Variants in TMEM212 observed in about 807,000 individuals in gnomAD.
TMEM212 encodes the protein transmembrane protein 212.
In TMEM212, 23 loss-of-function variants were observed where a neutral mutation model predicts 20.5. That is an observed-to-expected ratio of 1.12 (90% confidence interval 0.81 to 1.59). The LOEUF (loss-of-function observed/expected upper bound fraction) is 1.59. Ranked by LOEUF, TMEM212 falls within the 40% of genes most tolerant of loss-of-function variation. TMEM212 has a pLI of 0.00. For synonymous variants in TMEM212, 76 were observed against 81.6 expected (o/e 0.93, Z 0.37); for missense variants, 211 against 215.0 (o/e 0.98, Z 0.12).
chr3:171,849,821 A>G (rs1244576871), intron 1 of TMEM212, among the ~76,000 whole-genome samples: 1 of 152,178 alleles, frequency 6.6e-6, no homozygotes, highest in Non-Finnish European at 1.5e-5. Context: ...TGTTAGCAGT[A>G]ATTGTTGCAA....
In TMEM212 at chr3:171,848,550, A is replaced by T. The variant is rs144202904; in HGVS notation, c.160-3432A>T. ...ATCTATTGAGTAGCTAGCAGTATTTACAATAAATGCATAGAATAGAATAGA... is the reference window on the plus strand; with the variant it reads ...ATCTATTGAGTAGCTAGCAGTATTTTCAATAAATGCATAGAATAGAATAGA... On this transcript the variant is annotated intron_variant, in intron 1 of 4. Transcript: ENST00000334567. Among the ~76,000 whole-genome samples the T allele has an allele frequency of 7.0e-3, 882 of 125,276 alleles. 15 individuals carry two copies. Among genetic ancestry groups the T allele is most frequent in the African/African-American group, 0.026 (841 of 32,790 alleles). 82.2% of individuals were successfully genotyped at this position (125,276 alleles called of 152,430 possible).
chr3:171,850,538 T>C (rs937221129), intron 1 of TMEM212, among the ~76,000 whole-genome samples: 1 of 152,238 alleles, frequency 6.6e-6, no homozygotes, highest in African/African-American at 2.4e-5. Flanking sequence ...GGCTTCAGTG[T>C]TTCTCTCTCT....
chr3:171,850,398 T>C (rs909908644), intron 1 of TMEM212, among the ~76,000 whole-genome samples: 2 of 152,310 alleles, frequency 1.3e-5, no homozygotes, highest in Non-Finnish European at 1.5e-5. Flanking sequence ...TTTTTCAACT[T>C]TTTGAAAGGA....
In TMEM212 at chr3:171,844,133, C is replaced by T. The variant is rs536385289; in HGVS notation, c.159+591C>T. 9.9e-5 allele frequency among the ~76,000 whole-genome samples: 15 copies of T among 152,224 alleles called. No individual in the cohort carries two copies. In the South Asian group the frequency reaches 3.1e-3, roughly 32 times the overall value. Reference sequence around the variant, plus strand: ...ACAATTCACTAGGAAAGTACATGTGCCAAGTACAGCGTACGACACTAAGTA... The same window carrying T: ...ACAATTCACTAGGAAAGTACATGTGTCAAGTACAGCGTACGACACTAAGTA... On this transcript the variant is annotated intron_variant, in intron 1 of 4. Transcript: ENST00000334567.
chr3:171,851,980 A>T lies in TMEM212; in HGVS notation c.160-2A>T, dbSNP rs1488691670. The T allele has an allele frequency of 2.6e-6, 4 of 1,536,826 alleles. 1 individual carries two copies. In the East Asian group the frequency reaches 9.8e-5, roughly 38 times the overall value. ...GTTTATTTTTCCATTTTCTTGTCAC[A>T]GGCCATCACAACTGGTGTGCTTCTA... On this transcript the variant is annotated splice_acceptor_variant, in intron 1 of 4. Coordinates refer to ENST00000334567, the MANE Select transcript of TMEM212 (RefSeq NM_001164436.2). LOFTEE classifies it high-confidence loss of function.
intron 2 of TMEM212, 147 bp downstream of exon 2, chr3:171,852,188 A>G: frequency 1.5e-6 from 1 of 667,852 alleles, no homozygotes; most frequent in Non-Finnish European, 2.5e-6. Context: ...TTTCAGAAAT[A>G]AACTCTGTTT....
rs145079877 is a variant in TMEM212 at position 171,852,567 on chromosome 3, T to C, written c.219+526T>C. Among the ~76,000 whole-genome samples the C allele has an allele frequency of 2.6e-3, 390 of 152,322 alleles. 2 individuals carry two copies. The highest frequency in any genetic ancestry group is 9.0e-3 in the African/African-American group (374 of 41,566). Reference sequence around the variant, plus strand: ...CAAGTTCCTGTGATCATTATTGTATTTGGGGAGGACAGAGCCTGTGTTAGT... The same window carrying C: ...CAAGTTCCTGTGATCATTATTGTATCTGGGGAGGACAGAGCCTGTGTTAGT... On this transcript the variant is annotated intron_variant, in intron 2 of 4. Transcript: ENST00000334567.
Position 171,853,813 on chromosome 3 carries a change from A to G in TMEM212, c.506A>G (p.Lys169Arg), listed in dbSNP as rs2108381917. 6.5e-7 allele frequency: 1 copy of G among 1,536,754 alleles called. No individual in the cohort carries two copies. The highest frequency in any genetic ancestry group is 2.4e-5 in the East Asian group (1 of 40,894). The change falls in exon 3 of 5, where the codon AAA becomes AGA. Residue 169 changes from lysine (K) to arginine (R), a missense_variant. By Grantham distance (26) the Lys-to-Arg change is conservative. Transcript: ENST00000334567. The stretch of plus-strand genomic sequence containing the variant: ...TGTACATCCTTGACAGTGTTCATCA[A>G]ACTTTCTGCAAGACTTATCCAGAAT... ...LLCTSLTVFI[K>R]LSARLIQNGH...
rs1256547481 is a variant in TMEM212, at chr3:171,843,448, C to A, written c.65C>A (p.Ser22Tyr). The A allele has an allele frequency of 1.3e-6, 2 of 1,537,016 alleles. No homozygotes were observed. The highest frequency in any genetic ancestry group is 2.7e-5 in the African/African-American group (2 of 73,038). ...ACTCTGGGGATCCTCAGTGTATGCT[C>A]TGGAGTTATTGCTTTCTTTCCTGTC... ...LVTLGILSVC[S>Y]GVIAFFPVFS... The change falls in exon 1 of 5, where the codon TCT becomes TAT. Residue 22 changes from serine (S) to tyrosine (Y), a missense_variant. Transcript: ENST00000334567.
At chr3:171,851,520 T>G (rs1724976244) in intron 1 of TMEM212, among the ~76,000 whole-genome samples, 1 of 152,236 alleles carries the variant, frequency 6.6e-6, no homozygotes, top group South Asian at 2.1e-4. Context: ...AGGCTGAGGC[T>G]ATGGAATCTC....
At chr3:171,849,895 G>A (rs1381902802) in intron 1 of TMEM212, among the ~76,000 whole-genome samples, 4 of 152,078 alleles carry the variant, frequency 2.6e-5, no homozygotes, top group Non-Finnish European at 5.9e-5. Context: ...GGAGAGCTGA[G>A]GGAGGCGAGT....
At chr3:171,851,292 C>G (rs1286167734) in intron 1 of TMEM212, among the ~76,000 whole-genome samples, 1 of 151,978 alleles carries the variant, frequency 6.6e-6, no homozygotes, top group African/African-American at 2.4e-5. Flanking sequence ...TTTCATTATC[C>G]GCTGCTAAAT....
chr3:171,853,561 T>C lies in TMEM212; in HGVS notation c.254T>C (p.Ile85Thr), dbSNP rs1268303422. ...ACTTTCACCTTTGTGATTCTGAGCATTATGGGATGTCCACTTCATTTTGCA... is the reference window on the plus strand; with the variant it reads ...ACTTTCACCTTTGTGATTCTGAGCACTATGGGATGTCCACTTCATTTTGCA... ...EATFTFVILS[I>T]MGCPLHFAIA... The change falls in exon 3 of 5, where the codon ATT (isoleucine) becomes ACT (threonine). Residue 85 changes from isoleucine (I) to threonine (T), a missense_variant. By Grantham distance (89) the Ile-to-Thr change is moderately conservative. Transcript: ENST00000334567. 2 of 1,537,058 alleles carry C rather than the reference T, an allele frequency of 1.3e-6. No homozygotes were observed. Among genetic ancestry groups the C allele is most frequent in the African/African-American group, 1.4e-5 (1 of 73,046 alleles).
intron 1 of TMEM212, among the ~76,000 whole-genome samples, chr3:171,851,173 A>G (rs1001139185): frequency 2.6e-5 from 4 of 152,250 alleles, no homozygotes; most frequent in East Asian, 1.9e-4. Flanking sequence ...CCATTAACCA[A>G]GAACAAATGA....
intron 3 of TMEM212, among the ~76,000 whole-genome samples, chr3:171,854,446 T>C (rs1195021056): frequency 6.6e-6 from 1 of 152,072 alleles, no homozygotes; most frequent in African/African-American, 2.4e-5. Context: ...TAACCAAGAA[T>C]GTGAAAGATC....
rs1292555494 is a variant in TMEM212, at chr3:171,858,557, C to T, written c.*500C>T. ...ACACCAAAAGCAATGGCAACAAAAGCCAAAATAGACAAATCGTATCTAATT... is the reference window on the plus strand; with the variant it reads ...ACACCAAAAGCAATGGCAACAAAAGTCAAAATAGACAAATCGTATCTAATT... On this transcript the variant is annotated 3_prime_UTR_variant, in exon 5 of 5. Transcript: ENST00000334567. 6.6e-5 allele frequency: 10 copies of T among 152,036 alleles called. No homozygotes were observed. Among genetic ancestry groups the T allele is most frequent in the Non-Finnish European group, 2.9e-5 (2 of 68,020 alleles). 9.4% of individuals were successfully genotyped at this position (152,036 alleles called of 1,614,324 possible).
At chr3:171,846,925 T>C (rs944922797) in intron 1 of TMEM212, among the ~76,000 whole-genome samples, 1 of 152,236 alleles carries the variant, frequency 6.6e-6, no homozygotes, top group African/African-American at 2.4e-5. Flanking sequence ...TTCAACCATA[T>C]TAACATTTCC....
At chr3:171,850,053 C>A (rs1724937589) in intron 1 of TMEM212, among the ~76,000 whole-genome samples, 1 of 152,080 alleles carries the variant, frequency 6.6e-6, no homozygotes, top group Admixed American at 6.6e-5. Context: ...TTGACTTGTC[C>A]TGCCTACCCT....
intron 1 of TMEM212, among the ~76,000 whole-genome samples, chr3:171,847,462 T>C (rs1724863491): frequency 6.6e-6 from 1 of 152,240 alleles, no homozygotes; most frequent in African/African-American, 2.4e-5. Context: ...GCACGTCTGT[T>C]ACAGCTTCCA....
Sources: gnomAD v4.1 joint callset for allele counts (sites outside exome capture counted in the v4.1 genomes callset) on GRCh38, gnomAD v4.1.1 for gene constraint, MANE v1.5 for transcripts, NCBI Gene and HGNC (gene_info 2026-07-23, HGNC 2026-07-21) for gene names.